Variants in RASGRF2 observed in about 807,000 individuals in gnomAD.
RASGRF2 encodes the protein Ras protein specific guanine nucleotide releasing factor 2.
In RASGRF2, 76 loss-of-function variants were observed where a neutral mutation model predicts 151.0. The observed-to-expected ratio is 0.50, with a 90% CI of 0.42 to 0.61. RASGRF2 has a LOEUF of 0.61. Ranked by LOEUF, RASGRF2 falls within the 20% of genes least tolerant of loss-of-function variation. The pLI is 0.00. For synonymous variants in RASGRF2, 504 were observed against 566.5 expected, an observed-to-expected ratio of 0.89 and a Z score of 1.57; for missense variants, 1,148 against 1,564.6, an observed-to-expected ratio of 0.73 and a Z score of 4.49.
intron 1 of RASGRF2, among the ~76,000 whole-genome samples, chr5:80,969,318 T>C (rs1747828555): frequency 6.6e-6 from 1 of 151,476 alleles, no homozygotes; most frequent in Admixed American, 6.6e-5. Flanking sequence ...CTTTTTTTAG[T>C]AGAGACAGGG....
chr5:81,150,707 A>C (rs1283008575), intron 17 of RASGRF2, among the ~76,000 whole-genome samples: 1 of 152,246 alleles, frequency 6.6e-6, no homozygotes, highest in Non-Finnish European at 1.5e-5. Context: ...AATTAGTAAA[A>C]TAACTGCAAA....
intron 2 of RASGRF2, among the ~76,000 whole-genome samples, chr5:81,057,328 T>C (rs916158581): frequency 6.6e-6 from 1 of 152,176 alleles, no homozygotes; most frequent in African/African-American, 2.4e-5. Context: ...TGTAGTTTGC[T>C]TCATATATAC....
intron 1 of RASGRF2, among the ~76,000 whole-genome samples, chr5:80,983,946 C>T (rs1049286541): frequency 1.3e-5 from 2 of 152,164 alleles, no homozygotes; most frequent in Non-Finnish European, 2.9e-5. Flanking sequence ...ATTTGTGGTG[C>T]GTATTATATT....
At chr5:81,024,871 G>A (rs1057236478) in intron 1 of RASGRF2, among the ~76,000 whole-genome samples, 1 of 152,232 alleles carries the variant, frequency 6.6e-6, no homozygotes, top group African/African-American at 2.4e-5. Flanking sequence ...CGAATTTAAA[G>A]CGAAAGCTTC....
At chr5:81,167,512 A>G (rs2112651238) in intron 17 of RASGRF2, among the ~76,000 whole-genome samples, 1 of 152,358 alleles carries the variant, frequency 6.6e-6, no homozygotes. Flanking sequence ...AATCCGTCTG[A>G]AATTCTTAAC....
chr5:81,228,589 A>T lies in RASGRF2; in HGVS notation c.*2819A>T, dbSNP rs968789333. 6.6e-6 allele frequency: 1 copy of T among 152,214 alleles called. No individual in the cohort carries two copies. Among genetic ancestry groups the T allele is most frequent in the African/African-American group, 2.4e-5 (1 of 41,444 alleles). The allele number at this position is 152,214 out of a possible 1,614,324, so 9.4% of individuals were successfully genotyped here. A position where few individuals can be genotyped will look rare whatever the true frequency, so the allele number is the denominator to read the frequency against. ...CATGTATACTGTAAAATTAACCTAGAAAATCAGAAGAAAAATCCAATTTCA... is the reference window on the plus strand; with the variant it reads ...CATGTATACTGTAAAATTAACCTAGTAAATCAGAAGAAAAATCCAATTTCA... On this transcript the variant is annotated 3_prime_UTR_variant, in exon 27 of 27. Coordinates refer to ENST00000265080, the MANE Select transcript of RASGRF2 (RefSeq NM_006909.3).
intron 17 of RASGRF2, among the ~76,000 whole-genome samples, chr5:81,176,866 A>G (rs1228874188): frequency 6.6e-6 from 1 of 152,144 alleles, no homozygotes; most frequent in Non-Finnish European, 1.5e-5. Context: ...ACCCTCTCCC[A>G]CAACCCCACT....
intron 13 of RASGRF2, among the ~76,000 whole-genome samples, 195 bp from the exon 14 acceptor site, chr5:81,112,415 G>A (rs1425826577): frequency 6.6e-6 from 1 of 152,134 alleles, no homozygotes; most frequent in Non-Finnish European, 1.5e-5. Flanking sequence ...AGCATCTGTG[G>A]ATTTTAATAT....
intron 24 of RASGRF2, among the ~76,000 whole-genome samples, chr5:81,216,374 CACACACACACAA>C (rs904127050): frequency 7.8e-6 from 1 of 127,592 alleles, no homozygotes; most frequent in African/African-American, 3.2e-5. Flanking sequence ...CACACGCACA[CACACACACACAA>C]ACACACACAC....
At position 80,992,264 on chromosome 5, in the gene RASGRF2, G is replaced by T. The variant is rs978602486; in HGVS notation, c.288+31238G>T. ...CTCAGTAAAGCCAGTACTGTCCTTGGTAGGTCCCTGCCTCTTAAGGTCTGA... is the reference window on the plus strand; with the variant it reads ...CTCAGTAAAGCCAGTACTGTCCTTGTTAGGTCCCTGCCTCTTAAGGTCTGA... On this transcript the variant is annotated intron_variant, in intron 1 of 26. Coordinates refer to ENST00000265080, the MANE Select transcript of RASGRF2 (RefSeq NM_006909.3). Among the ~76,000 whole-genome samples, 5 of 71,320 alleles carry T rather than the reference G, an allele frequency of 7.0e-5. No individual in the cohort carries two copies. In the South Asian group the frequency reaches 2.9e-3, roughly 42 times the overall value. 46.8% of individuals were successfully genotyped at this position (71,320 alleles called of 152,430 possible). A position where few individuals can be genotyped will look rare whatever the true frequency, so the allele number is the denominator to read the frequency against.
intron 1 of RASGRF2, among the ~76,000 whole-genome samples, chr5:81,041,658 A>G (rs1750682762): frequency 6.6e-6 from 1 of 152,170 alleles, no homozygotes. Flanking sequence ...AATCTTGGTT[A>G]TATGATTATC....
At chr5:81,171,363 G>T in intron 17 of RASGRF2, among the ~76,000 whole-genome samples, 1 of 152,108 alleles carries the variant, frequency 6.6e-6, no homozygotes, top group Non-Finnish European at 1.5e-5. Context: ...TAATGCCAAG[G>T]GGGTGAATAT....
intron 17 of RASGRF2, among the ~76,000 whole-genome samples, chr5:81,143,080 A>G (rs538122492): frequency 6.6e-6 from 1 of 152,342 alleles, no homozygotes; most frequent in South Asian, 2.1e-4. Context: ...GGGAAAGACC[A>G]ATTAGAAAGA....
intron 1 of RASGRF2, among the ~76,000 whole-genome samples, chr5:81,035,184 C>T (rs1750438375): frequency 6.6e-6 from 1 of 152,016 alleles, no homozygotes; most frequent in Non-Finnish European, 1.5e-5. Context: ...GCAGCACTCT[C>T]CACAATAGCA....
At chr5:80,988,561 A>G (rs1748550158) in intron 1 of RASGRF2, among the ~76,000 whole-genome samples, 2 of 152,118 alleles carry the variant, frequency 1.3e-5, no homozygotes, top group Non-Finnish European at 2.9e-5. Context: ...TTCTCTGTCA[A>G]TTGCTACTTA....
intron 1 of RASGRF2, among the ~76,000 whole-genome samples, chr5:80,999,855 G>C (rs972150755): frequency 5.3e-5 from 8 of 152,296 alleles, no homozygotes; most frequent in Non-Finnish European, 7.3e-5. Flanking sequence ...AAAGCAGAGA[G>C]GAGTTGGTTT....
At chr5:81,037,151 C>T (rs761564001) in intron 1 of RASGRF2, among the ~76,000 whole-genome samples, 13 of 152,060 alleles carry the variant, frequency 8.5e-5, no homozygotes, top group Admixed American at 2.0e-4. Context: ...AGAAGCCACC[C>T]CCATGATTCA....
At chr5:81,148,804 C>T (rs1031247879) in intron 17 of RASGRF2, among the ~76,000 whole-genome samples, 17 of 150,892 alleles carry the variant, frequency 1.1e-4, no homozygotes, top group Non-Finnish European at 2.1e-4. Context: ...GCACATGTAC[C>T]CTAAAACTTA....
intron 18 of RASGRF2, among the ~76,000 whole-genome samples, chr5:81,182,974 G>A (rs1338684927): frequency 1.3e-5 from 2 of 152,204 alleles, no homozygotes; most frequent in African/African-American, 4.8e-5. Context: ...ACATCATAAA[G>A]CGAAGGGCTT....
Sources: gnomAD v4.1 joint callset for allele counts (sites outside exome capture counted in the v4.1 genomes callset) on GRCh38, gnomAD v4.1.1 for gene constraint, MANE v1.5 for transcripts, NCBI Gene and HGNC (gene_info 2026-07-23, HGNC 2026-07-21) for gene names.